The following ATP8A2 variants were observed in gnomAD, a reference collection of about 807,000 sequenced individuals.
ATP8A2 encodes ATPase phospholipid transporting 8A2, also known as phospholipid-transporting ATPase IB.
A neutral mutation model predicts 165.6 loss-of-function variants in ATP8A2; 100 were observed. The ratio of observed to expected loss-of-function variants is 0.60; its 90% CI spans 0.51 to 0.71. The LOEUF (loss-of-function observed/expected upper bound fraction) is 0.71, where lower values mean the gene tolerates loss of function less well. ATP8A2 is among the 30% of genes least tolerant of loss of function. ATP8A2 has a pLI of 0.00. For synonymous variants in ATP8A2, 543 were observed against 548.8 expected, an observed-to-expected ratio of 0.99 and a Z score of 0.15; for missense variants, 1,227 against 1,479.5, an observed-to-expected ratio of 0.83 and a Z score of 2.80.
At chr13:25,381,688 C>T (rs1364387418) in intron 1 of ATP8A2, among the ~76,000 whole-genome samples, 2 of 152,090 alleles carry the variant, frequency 1.3e-5, no homozygotes, top group East Asian at 3.8e-4. Context: ...TTTGTGAGTC[C>T]ATATGATGAG....
intron 18 of ATP8A2, among the ~76,000 whole-genome samples, chr13:25,572,979 C>T (rs188474950): frequency 2.0e-5 from 3 of 152,146 alleles, no homozygotes; most frequent in Admixed American, 2.0e-4. Flanking sequence ...TTATGGAGTA[C>T]AGAGATGAGA....
chr13:25,553,739 G>T, intron 11 of ATP8A2, 54 bp from the exon 12 acceptor site: 2 of 1,556,628 alleles, frequency 1.3e-6, no homozygotes, highest in Non-Finnish European at 1.7e-6. Context: ...CTCTAAATGA[G>T]CCAATAGACT....
At position 25,375,585 on chromosome 13, in the gene ATP8A2, C is replaced by CTT. The variant is rs11312033; in HGVS notation, c.76+3309_76+3310dup. Among the ~76,000 whole-genome samples, 12 of 147,716 alleles carry CTT rather than the reference C, an allele frequency of 8.1e-5. No homozygotes were observed. The East Asian group carries it at 1.8e-3, about 22-fold the overall frequency. On this transcript the variant is annotated intron_variant, in intron 1 of 36. Transcript: ENST00000381655. ...CAGAACCCAGAGGACTACAAATATT[C>CTT]TTTTTTTTTTTTTATTTTGAGCCTG...
intron 2 of ATP8A2, among the ~76,000 whole-genome samples, chr13:25,480,273 G>A (rs866514033): frequency 6.6e-6 from 1 of 151,338 alleles, no homozygotes; most frequent in African/African-American, 2.4e-5. Flanking sequence ...CCTCCCGGAC[G>A]GGGCGGCTGG....
chr13:25,798,011 C>T (rs922487217), intron 27 of ATP8A2, among the ~76,000 whole-genome samples: 3 of 152,034 alleles, frequency 2.0e-5, no homozygotes, highest in African/African-American at 7.3e-5. Flanking sequence ...GATCTATATC[C>T]AATGGGAATG....
At chr13:25,423,813 C>T (rs953475599) in intron 1 of ATP8A2, among the ~76,000 whole-genome samples, 11 of 152,264 alleles carry the variant, frequency 7.2e-5, no homozygotes, top group Non-Finnish European at 1.3e-4. Context: ...GACTAGTAAG[C>T]GCTTGGGATT....
At chr13:25,530,421 T>C in intron 3 of ATP8A2, 141 bp from the exon 4 acceptor site, 2 of 656,188 alleles carry the variant, frequency 3.0e-6, no homozygotes. Flanking sequence ...AGCTAGTTTT[T>C]AAAGTAAGGT....
At chr13:25,548,876 G>C (rs1447287877) in intron 10 of ATP8A2, among the ~76,000 whole-genome samples, 2 of 152,136 alleles carry the variant, frequency 1.3e-5, no homozygotes, top group African/African-American at 4.8e-5. Context: ...TAGTATTTTT[G>C]GTTTGCCAAT....
At chr13:25,581,777 A>G (rs1436665776) in intron 22 of ATP8A2, 42 bp from the exon 23 acceptor site, 2 of 1,589,494 alleles carry the variant, frequency 1.3e-6, no homozygotes, top group Non-Finnish European at 8.6e-7. Context: ...GCTGTTCTTA[A>G]GTATGTGCCA....
At chr13:25,590,316 T>G (rs2040035948) in intron 24 of ATP8A2, among the ~76,000 whole-genome samples, 1 of 152,112 alleles carries the variant, frequency 6.6e-6, no homozygotes, top group South Asian at 2.1e-4. Flanking sequence ...TCCCAGCTGC[T>G]TGGGAGGCTG....
chr13:25,379,697 G>A (rs1441781247), intron 1 of ATP8A2, among the ~76,000 whole-genome samples: 2 of 152,168 alleles, frequency 1.3e-5, no homozygotes, highest in East Asian at 1.9e-4. Context: ...AGCAAACTAA[G>A]TGGTCTTCTG....
At chr13:25,951,821 A>G (rs1672919953) in intron 33 of ATP8A2, among the ~76,000 whole-genome samples, 1 of 152,194 alleles carries the variant, frequency 6.6e-6, no homozygotes, top group South Asian at 2.1e-4. Flanking sequence ...GATACCGCCC[A>G]CTGTCAAAGT....
At chr13:25,542,378 A>T (rs889993462) in intron 9 of ATP8A2, among the ~76,000 whole-genome samples, 8 of 149,884 alleles carry the variant, frequency 5.3e-5, no homozygotes, top group Admixed American at 5.3e-4. Flanking sequence ...AAATGTGTGT[A>T]TGTGTATTTT....
intron 33 of ATP8A2, among the ~76,000 whole-genome samples, chr13:25,910,743 A>G (rs1460871543): frequency 2.0e-5 from 3 of 152,158 alleles, no homozygotes; most frequent in South Asian, 4.1e-4. Flanking sequence ...TCTTTGCGCA[A>G]TATCCATGTA....
intron 1 of ATP8A2, among the ~76,000 whole-genome samples, chr13:25,430,139 T>C: frequency 6.6e-6 from 1 of 151,798 alleles, no homozygotes; most frequent in East Asian, 1.9e-4. Flanking sequence ...GACCTCCAGG[T>C]GGGGGTGTCT....
At chr13:25,417,526 G>A (rs1359269386) in intron 1 of ATP8A2, among the ~76,000 whole-genome samples, 1 of 84,636 alleles carries the variant, frequency 1.2e-5, no homozygotes, top group African/African-American at 4.5e-5. Flanking sequence ...TGGTACAGAT[G>A]GGATTAAAGC....
chr13:25,585,573 G>T (rs539492760), intron 23 of ATP8A2, among the ~76,000 whole-genome samples: 1 of 151,912 alleles, frequency 6.6e-6, no homozygotes, highest in Admixed American at 6.6e-5. Flanking sequence ...CATTTCTTAT[G>T]GTCTTAGAGG....
chr13:25,963,109 G>C lies in ATP8A2; in HGVS notation c.3272+1446G>C, dbSNP rs554641508. Among the ~76,000 whole-genome samples, 8 of 152,166 alleles carry C rather than the reference G, an allele frequency of 5.3e-5. 1 individual carries two copies. The highest frequency in any genetic ancestry group is 2.6e-4 in the Admixed American group (4 of 15,286). On this transcript the variant is annotated intron_variant, in intron 34 of 36. Coordinates refer to ENST00000381655, the MANE Select transcript of ATP8A2 (RefSeq NM_016529.6). Reference sequence around the variant, plus strand: ...ATAGATGTACCATAAGAACATAGTAGTTTTGGCCAGGCGCAGTGGCTCACG... The same window carrying C: ...ATAGATGTACCATAAGAACATAGTACTTTTGGCCAGGCGCAGTGGCTCACG...
intron 27 of ATP8A2, among the ~76,000 whole-genome samples, chr13:25,827,004 G>A (rs1951335798): frequency 1.3e-5 from 2 of 151,704 alleles, no homozygotes; most frequent in South Asian, 2.1e-4. Context: ...CCGGTGGCTC[G>A]GCCCTCTTCT....
Sources: allele counts gnomAD v4.1 joint callset (sites outside exome capture counted in the v4.1 genomes callset), GRCh38; gene constraint gnomAD v4.1.1; transcripts MANE v1.5; gene names NCBI Gene and HGNC (gene_info 2026-07-23, HGNC 2026-07-21).